The following MYT1L variants were observed in gnomAD, a reference collection of about 807,000 sequenced individuals.
The protein encoded by MYT1L is myelin transcription factor 1-like protein.
MYT1L carries 12 observed loss-of-function variants against 126.7 expected under a neutral mutation model. The ratio of observed to expected loss-of-function variants is 0.09; its 90% CI spans 0.06 to 0.15. MYT1L has a LOEUF of 0.15. MYT1L is among the 10% of genes least tolerant of loss of function. The pLI is 1.00. For missense variants in MYT1L, 979 were observed against 1,585.2 expected (o/e 0.62, Z 6.49); for synonymous variants, 541 against 604.2 (o/e 0.90, Z 1.53).
intron 3 of MYT1L, among the ~76,000 whole-genome samples, chr2:2,065,924 A>C (rs1299109766): frequency 6.6e-6 from 1 of 152,052 alleles, no homozygotes; most frequent in Non-Finnish European, 1.5e-5. Flanking sequence ...ATTGGGCATA[A>C]AATAACAGCA....
At chr2:2,185,341 G>C (rs1228320002) in intron 2 of MYT1L, among the ~76,000 whole-genome samples, 1 of 152,194 alleles carries the variant, frequency 6.6e-6, no homozygotes, top group Non-Finnish European at 1.5e-5. Context: ...TTACTTCCTT[G>C]TATTTTAATA....
chr2:1,974,409 C>G (rs975662518), intron 8 of MYT1L: 5 of 152,236 alleles, frequency 3.3e-5, no homozygotes, highest in African/African-American at 1.2e-4. Context: ...GTAAGCATTA[C>G]TTCTAGCCCT....
At chr2:2,091,724 C>G (rs1405337357) in intron 3 of MYT1L, among the ~76,000 whole-genome samples, 1 of 152,214 alleles carries the variant, frequency 6.6e-6, no homozygotes, top group African/African-American at 2.4e-5. Context: ...ATGTAACCAA[C>G]TTCATCAGTG....
At chr2:1,906,077 T>C (rs1334877622) in intron 13 of MYT1L, among the ~76,000 whole-genome samples, 4 of 152,246 alleles carry the variant, frequency 2.6e-5, no homozygotes. Context: ...ATATTTTGCT[T>C]TTTTATGATT....
intron 19 of MYT1L, among the ~76,000 whole-genome samples, chr2:1,847,613 G>A (rs2042676993): frequency 6.6e-6 from 1 of 152,018 alleles, no homozygotes; most frequent in African/African-American, 2.4e-5. Context: ...GGGCCTGGGG[G>A]GTCGGAAAAA....
chr2:1,921,415 A>G (rs1293791649), intron 10 of MYT1L, among the ~76,000 whole-genome samples: 1 of 152,196 alleles, frequency 6.6e-6, no homozygotes, highest in Non-Finnish European at 1.5e-5. Flanking sequence ...TTGGAGATAC[A>G]TATACACATG....
intron 1 of MYT1L, among the ~76,000 whole-genome samples, chr2:2,295,853 CAG>C (rs761825534): frequency 4.3e-5 from 6 of 138,642 alleles, no homozygotes; most frequent in Admixed American, 7.4e-5. Context: ...CGGGAGGTAG[CAG>C]AGAGAGACAG....
chr2:2,189,702 A>G (rs2092450628), intron 2 of MYT1L, among the ~76,000 whole-genome samples: 1 of 152,216 alleles, frequency 6.6e-6, no homozygotes, highest in African/African-American at 2.4e-5. Flanking sequence ...TATTAAGCCT[A>G]TGAAGAGCCC....
intron 5 of MYT1L, among the ~76,000 whole-genome samples, chr2:1,996,390 C>T (rs1479596155): frequency 4.0e-5 from 6 of 150,536 alleles, no homozygotes; most frequent in African/African-American, 9.8e-5. Context: ...GAGTGAGGGC[C>T]GTCTTGCCTC....
chr2:1,865,558 G>A (rs1180709178), intron 18 of MYT1L, among the ~76,000 whole-genome samples: 2 of 152,124 alleles, frequency 1.3e-5, no homozygotes. Context: ...TAAATAAAGT[G>A]CAGAGAATTT....
At chr2:2,196,355 A>AT (rs1348707562) in intron 2 of MYT1L, among the ~76,000 whole-genome samples, 1 of 152,140 alleles carries the variant, frequency 6.6e-6, no homozygotes. Context: ...CTAAAAAATT[A>AT]TTTAGTCAGA....
intron 2 of MYT1L, among the ~76,000 whole-genome samples, chr2:2,248,861 A>C (rs553955885): frequency 6.6e-6 from 1 of 152,260 alleles, no homozygotes; most frequent in South Asian, 2.1e-4. Context: ...TGGGTATAGA[A>C]ATAACATATT....
rs548290720 is a variant in MYT1L at position 1,870,189 on chromosome 2, G to A, written c.2711+16350C>T. Among the ~76,000 whole-genome samples the A allele has an allele frequency of 1.4e-4, 21 of 152,326 alleles. No homozygotes were observed. In the South Asian group the frequency reaches 4.4e-3, roughly 32 times the overall value. The stretch of plus-strand genomic sequence containing the variant: ...GAAATCATTTCACGGTGCAGAGAAA[G>A]CTTGTTGCTTTGGCAGAAATCCAAA... On this transcript the variant is annotated intron_variant, in intron 18 of 24. Transcript: ENST00000647738.
intron 2 of MYT1L, among the ~76,000 whole-genome samples, chr2:2,195,556 A>G (rs148105650): frequency 6.6e-6 from 1 of 152,226 alleles, no homozygotes; most frequent in African/African-American, 2.4e-5. Flanking sequence ...TGAAACAAGG[A>G]GTATGACATG....
chr2:2,081,327 G>T (rs553392964), intron 3 of MYT1L, among the ~76,000 whole-genome samples: 1 of 152,230 alleles, frequency 6.6e-6, no homozygotes, highest in South Asian at 2.1e-4. Context: ...TTTATTAACG[G>T]CTGTATAAAT....
chr2:2,044,838 C>G (rs1452899799), intron 4 of MYT1L, among the ~76,000 whole-genome samples: 1 of 152,192 alleles, frequency 6.6e-6, no homozygotes. Flanking sequence ...GATGCCTCAA[C>G]CCCTACCTCT....
In MYT1L at chr2:2,225,140, A is replaced by T. The variant is rs368036974; in HGVS notation, c.-420-52152T>A. On this transcript the variant is annotated intron_variant, in intron 2 of 24. Coordinates refer to ENST00000647738, the MANE Select transcript of MYT1L (RefSeq NM_001303052.2). ...TTTTTTCTCAGTCTCCTTGCCTCAA[A>T]TCAGATCTGCCCCAGCTGTGAGTGG... Among the ~76,000 whole-genome samples the T allele has an allele frequency of 2.0e-3, 300 of 151,790 alleles. 2 individuals carry two copies. The highest frequency in any genetic ancestry group is 6.9e-3 in the African/African-American group (285 of 41,410).
chr2:2,320,122 G>T (rs1181598178), intron 1 of MYT1L, among the ~76,000 whole-genome samples: 1 of 152,058 alleles, frequency 6.6e-6, no homozygotes, highest in African/African-American at 2.4e-5. Flanking sequence ...TCAGAGGGAA[G>T]GAGAACAAAA....
chr2:1,875,931 T>C (rs1000915414), intron 18 of MYT1L, among the ~76,000 whole-genome samples: 1 of 152,190 alleles, frequency 6.6e-6, no homozygotes, highest in African/African-American at 2.4e-5. Context: ...TCTCTGTTCA[T>C]GTGTTACAGG....
Sources: allele counts gnomAD v4.1 joint callset (sites outside exome capture counted in the v4.1 genomes callset), GRCh38; gene constraint gnomAD v4.1.1; transcripts MANE v1.5; gene names NCBI Gene and HGNC (gene_info 2026-07-23, HGNC 2026-07-21).